Variants in MAP3K7 observed in about 807,000 individuals in gnomAD.
The protein encoded by MAP3K7 is mitogen-activated protein kinase kinase kinase 7.
A neutral mutation model predicts 84.8 loss-of-function variants in MAP3K7; 21 were observed. That is an observed-to-expected ratio of 0.25 (90% CI 0.18 to 0.36). The LOEUF (loss-of-function observed/expected upper bound fraction) is 0.36. Ranked by LOEUF, MAP3K7 falls within the 10% of genes least tolerant of loss-of-function variation. MAP3K7 has a pLI of 1.00. For synonymous variants in MAP3K7, 241 were observed against 247.7 expected (o/e 0.97, Z 0.25); for missense variants, 503 against 747.7 (o/e 0.67, Z 3.82).
At chr6:90,577,119 G>A (rs1316225480) in intron 1 of MAP3K7, among the ~76,000 whole-genome samples, 2 of 152,178 alleles carry the variant, frequency 1.3e-5, no homozygotes, top group East Asian at 3.9e-4. Flanking sequence ...ACGAGGGCAA[G>A]GTCAATGGTA....
chr6:90,558,663 C>A (rs1273607679), intron 5 of MAP3K7, among the ~76,000 whole-genome samples: 1 of 152,142 alleles, frequency 6.6e-6, no homozygotes, highest in Non-Finnish European at 1.5e-5. Context: ...ATTAAATAAA[C>A]CTAAAATTCA....
chr6:90,584,860 T>C (rs987576149), intron 1 of MAP3K7, among the ~76,000 whole-genome samples: 1 of 152,220 alleles, frequency 6.6e-6, no homozygotes, highest in African/African-American at 2.4e-5. Flanking sequence ...ACTGAATTTT[T>C]ATTCTTAAAA....
At chr6:90,569,476 C>CTTCT (rs148676852) in intron 2 of MAP3K7, among the ~76,000 whole-genome samples, 28,511 of 137,014 alleles carry the variant, frequency 0.21, 3,116 homozygotes, top group Non-Finnish European at 0.29. Context: ...AGATCTCAAA[C>CTTCT]TTCTTTCTTT....
chr6:90,538,797 A>T (rs1216023969), intron 12 of MAP3K7, among the ~76,000 whole-genome samples: 1 of 151,884 alleles, frequency 6.6e-6, no homozygotes, highest in Non-Finnish European at 1.5e-5. Flanking sequence ...GGTTTCTTCC[A>T]GAGACTGCTG....
intron 1 of MAP3K7, among the ~76,000 whole-genome samples, chr6:90,577,585 A>C (rs551239167): frequency 6.6e-6 from 1 of 152,340 alleles, no homozygotes; most frequent in East Asian, 1.9e-4. Flanking sequence ...AGGAACAGGA[A>C]GGAACAGTCA....
rs763823297 is a variant in MAP3K7 at position 90,556,676 on chromosome 6, T to G, written c.483-52A>C. ...AAAAGTTACAAGGCCAACATTTTAT[T>G]CTACAATAAAAGAAGAGACATTTGT... is the stretch of plus-strand genomic sequence containing the variant. On this transcript the variant is annotated intron_variant, in intron 5 of 16. Transcript: ENST00000369329. 4.6e-6 allele frequency: 7 copies of G among 1,528,160 alleles called. No individual in the cohort carries two copies. In the African/African-American group the frequency reaches 9.8e-5, roughly 21 times the overall value. 94.7% of individuals were successfully genotyped at this position (1,528,160 alleles called of 1,614,324 possible).
chr6:90,540,411 T>G (rs550999868), intron 12 of MAP3K7, among the ~76,000 whole-genome samples: 1 of 151,878 alleles, frequency 6.6e-6, no homozygotes, highest in Non-Finnish European at 1.5e-5. Flanking sequence ...AACTAAGAAA[T>G]AAATTTATCT....
intron 3 of MAP3K7, among the ~76,000 whole-genome samples, chr6:90,562,034 A>G (rs1269377783): frequency 6.6e-6 from 1 of 152,258 alleles, no homozygotes; most frequent in Non-Finnish European, 1.5e-5. Flanking sequence ...GACTAGAAAC[A>G]AGTCAAATGA....
rs566224050 is a variant in MAP3K7, at chr6:90,579,511, G to C, written c.120+7253C>G. Among the ~76,000 whole-genome samples, 55 of 152,186 alleles carry C rather than the reference G, an allele frequency of 3.6e-4. No individual in the cohort carries two copies. The South Asian group carries it at 0.011, about 30-fold the overall frequency. ...CATACTCTCAAATCTCTCCCATCCA[G>C]GTTTTTTGCCCAAGCTCAAGATATA... On this transcript the variant is annotated intron_variant, in intron 1 of 16. Transcript: ENST00000369329.
chr6:90,585,451 T>C (rs1777413658), intron 1 of MAP3K7, among the ~76,000 whole-genome samples: 1 of 152,256 alleles, frequency 6.6e-6, no homozygotes, highest in African/African-American at 2.4e-5. Flanking sequence ...AAAGTAGACA[T>C]AACTCGTTGA....
intron 1 of MAP3K7, among the ~76,000 whole-genome samples, chr6:90,579,166 A>G (rs1777183758): frequency 6.6e-6 from 1 of 152,246 alleles, no homozygotes; most frequent in African/African-American, 2.4e-5. Flanking sequence ...AGCAAGTATG[A>G]TAACTAACAA....
intron 14 of MAP3K7, among the ~76,000 whole-genome samples, chr6:90,523,244 C>T (rs896364987): frequency 2.6e-5 from 4 of 151,960 alleles, no homozygotes; most frequent in African/African-American, 9.7e-5. Context: ...TTTTTTTCAA[C>T]TTAAGGTACA....
intron 7 of MAP3K7, among the ~76,000 whole-genome samples, chr6:90,552,931 CTCTAGGCCTCAGTT>C (rs1776226442): frequency 6.6e-6 from 1 of 152,192 alleles, no homozygotes; most frequent in Admixed American, 6.5e-5. Context: ...TATTTAACCT[CTCTAGGCCTCAGTT>C]TCCTAATCTG....
At position 90,569,838 on chromosome 6, in the gene MAP3K7, C is replaced by G. The variant is rs140957629; in HGVS notation, c.232-1215G>C. 1.4e-3 allele frequency among the ~76,000 whole-genome samples: 207 copies of G among 152,150 alleles called. 1 individual carries two copies. Among genetic ancestry groups the G allele is most frequent in the African/African-American group, 4.6e-3 (189 of 41,512 alleles). On this transcript the variant is annotated intron_variant, in intron 2 of 16. Transcript: ENST00000369329. Reference sequence around the variant, plus strand: ...AACTGCTTCTTGCTCATTCTTTTCTCCCTTCTCCTCTCTTTTCTGCCCTTT... The same window carrying G: ...AACTGCTTCTTGCTCATTCTTTTCTGCCTTCTCCTCTCTTTTCTGCCCTTT...
chr6:90,544,460 T>C, intron 12 of MAP3K7, 92 bp downstream of exon 12: 1 of 1,090,174 alleles, frequency 9.2e-7, no homozygotes, highest in Non-Finnish European at 1.4e-6. Flanking sequence ...TTTCATGTCT[T>C]GTAAAAATTG....
At chr6:90,568,297 G>A (rs569077586) in intron 3 of MAP3K7, among the ~76,000 whole-genome samples, 33 of 151,466 alleles carry the variant, frequency 2.2e-4, no homozygotes, top group Admixed American at 1.1e-3. Flanking sequence ...GCAATGCCAC[G>A]GTGCTGTATT....
Position 90,544,290 on chromosome 6 carries a change from G to A in MAP3K7, c.1291+262C>T, listed in dbSNP as rs534501994. ...TCACTTAAAAGTAGAGAGGAAGTTGGTAGAATTCTGGGTTGGTGTTCTCCC... is the reference window on the plus strand; with the variant it reads ...TCACTTAAAAGTAGAGAGGAAGTTGATAGAATTCTGGGTTGGTGTTCTCCC... On this transcript the variant is annotated intron_variant, in intron 12 of 16. Transcript: ENST00000369329. 3.9e-5 allele frequency among the ~76,000 whole-genome samples: 6 copies of A among 152,194 alleles called. No homozygotes were observed. In the South Asian group the frequency reaches 1.2e-3, roughly 32 times the overall value.
intron 13 of MAP3K7, among the ~76,000 whole-genome samples, chr6:90,535,528 T>C (rs934625847): frequency 6.6e-6 from 1 of 151,982 alleles, no homozygotes; most frequent in Admixed American, 6.6e-5. Context: ...CTTGTACAGC[T>C]GAAAACAAAC....
intron 12 of MAP3K7, among the ~76,000 whole-genome samples, chr6:90,540,137 G>T (rs1144160): frequency 0.21 from 31,683 of 151,756 alleles, 3,974 homozygotes; most frequent in Non-Finnish European, 0.29. Flanking sequence ...ATCTATTTCA[G>T]TAAGATCTGA....
Sources: allele counts gnomAD v4.1 joint callset (sites outside exome capture counted in the v4.1 genomes callset), GRCh38; gene constraint gnomAD v4.1.1; transcripts MANE v1.5; gene names NCBI Gene and HGNC (gene_info 2026-07-23, HGNC 2026-07-21).